THNSL1: variants seen among roughly 807,000 people sequenced by gnomAD.
THNSL1 encodes the protein threonine synthase like 1.
THNSL1 carries 48 observed loss-of-function variants against 50.4 expected under a neutral mutation model. The ratio of observed to expected loss-of-function variants is 0.95; its 90% CI spans 0.76 to 1.21. The LOEUF is 1.21. THNSL1 is among the 50% of genes most tolerant of loss of function. The pLI, the probability that THNSL1 is intolerant of heterozygous loss-of-function variation, is 0.00. For synonymous variants in THNSL1, 309 were observed against 306.1 expected (o/e 1.01, Z -0.10); for missense variants, 896 against 871.7 (o/e 1.03, Z -0.35).
At position 25,024,466 on chromosome 10, in the gene THNSL1, T is replaced by G; in HGVS notation, c.1243T>G (p.Phe415Val). Residue 415 changes from phenylalanine (F) to valine (V), a missense_variant, in exon 3 of 3, where the codon TTT (phenylalanine) becomes GTT (valine). Transcript: ENST00000376356. ...AFFPENGVSD[F>V]QKAQIIGSQR... is the part of the protein sequence containing the mutation. ...TTTTCCTGAGAATGGAGTAAGTGAT[T>G]TTCAAAAAGCACAAATAATTGGCAG... 6.2e-7 allele frequency: 1 copy of G among 1,614,152 alleles called. No individual in the cohort carries two copies. Among genetic ancestry groups the G allele is most frequent in the Non-Finnish European group, 8.5e-7 (1 of 1,180,020 alleles).
chr10:24,981,366 G>A, the THNSL1 span, among the ~76,000 whole-genome samples: 1 of 152,180 alleles, frequency 6.6e-6, no homozygotes, highest in African/African-American at 2.4e-5. Flanking sequence ...CCTGTGCTGA[G>A]TAACTTAGGA....
chr10:24,970,722 A>T, the THNSL1 span, among the ~76,000 whole-genome samples: 6 of 147,288 alleles, frequency 4.1e-5, no homozygotes, highest in South Asian at 2.2e-4. Flanking sequence ...CTATTAATAA[A>T]AAAAAAAAAA....
the THNSL1 span, among the ~76,000 whole-genome samples, chr10:24,957,018 C>T: frequency 8.5e-5 from 13 of 152,108 alleles, no homozygotes; most frequent in Non-Finnish European, 1.6e-4. Context: ...CCTCAAAATC[C>T]GTGGAAAAAT....
the THNSL1 span, chr10:24,983,265 C>A: frequency 4.6e-5 from 7 of 152,230 alleles, no homozygotes; most frequent in East Asian, 1.2e-3. Context: ...GCGATGCAAA[C>A]GGGAATGATA....
intron 1 of THNSL1, among the ~76,000 whole-genome samples, chr10:25,016,992 C>T (rs1156807800): frequency 1.3e-5 from 2 of 152,150 alleles, no homozygotes; most frequent in African/African-American, 4.8e-5. Flanking sequence ...GCACGGGGCC[C>T]GCGGCCTCCT....
At chr10:24,990,470 A>G in the THNSL1 span, 2 of 1,611,642 alleles carry the variant, frequency 1.2e-6, no homozygotes, top group South Asian at 2.2e-5. Context: ...CACCTGCAAA[A>G]CTGCCTCCCT....
the THNSL1 span, among the ~76,000 whole-genome samples, chr10:25,005,783 T>G: frequency 3.3e-5 from 5 of 152,342 alleles, no homozygotes; most frequent in Admixed American, 6.5e-5. Context: ...CTGCACTTAC[T>G]TGACAACACA....
Position 25,023,244 on chromosome 10 carries a change from T to C in THNSL1, c.21T>C (p.Cys7=), listed in dbSNP as rs1850760201. ...AGAGAATGCTCCACTTTAACCGATG[T>C]CATCATCTGAAAAAGATAACACAGA... The part of the protein sequence containing the change: MLHFNR[C]HHLKKITQKC... The change falls in exon 3 of 3, where the codon TGT becomes TGC. Residue 7 remains cysteine, a synonymous_variant. Coordinates refer to ENST00000376356, the MANE Select transcript of THNSL1 (RefSeq NM_024838.5). The C allele has an allele frequency of 6.2e-7, 1 of 1,612,518 alleles. No individual in the cohort carries two copies. The highest frequency in any genetic ancestry group is 8.5e-7 in the Non-Finnish European group (1 of 1,178,960).
the THNSL1 span, among the ~76,000 whole-genome samples, chr10:24,973,201 C>T: frequency 6.6e-6 from 1 of 152,000 alleles, no homozygotes; most frequent in Non-Finnish European, 1.5e-5. Context: ...TCCGACTTGC[C>T]AGCAGCACTA....
chr10:24,970,544 TA>T, the THNSL1 span, among the ~76,000 whole-genome samples: 57 of 143,720 alleles, frequency 4.0e-4, no homozygotes, highest in East Asian at 6.1e-4. Context: ...AACCTGTCTC[TA>T]AAAAAAAAAA....
In THNSL1 at chr10:25,025,457, AGCT is replaced by A; in HGVS notation, c.*3_*5del. 1 of 1,588,696 alleles carries A rather than the reference AGCT, an allele frequency of 6.3e-7. No homozygotes were observed. Among genetic ancestry groups the A allele is most frequent in the Non-Finnish European group, 8.5e-7 (1 of 1,170,666 alleles). ...CTTGTCCAAAATCAATTCATATGAA[AGCT>A]TTCAGAGTAAATTTTTTTTTCTAGC... is the stretch of plus-strand genomic sequence containing the variant. On this transcript the variant is annotated 3_prime_UTR_variant, in exon 3 of 3. Coordinates refer to ENST00000376356, the MANE Select transcript of THNSL1 (RefSeq NM_024838.5).
Position 25,023,669 on chromosome 10 carries a change from GA to G in THNSL1, c.448del (p.Ile150Ter). On this transcript the variant is annotated frameshift_variant, in exon 3 of 3. Transcript: ENST00000376356. LOFTEE classifies it high-confidence loss of function. ...AGCATGTGGCATCTGAAGAAAAATG[GA>G]ATAATTGTATACCTGGATGTACCTC... ...DASMWHLKKN[G>X]IIVYLDVPLL... The G allele has an allele frequency of 6.2e-7, 1 of 1,614,106 alleles. No homozygotes were observed. Among genetic ancestry groups the G allele is most frequent in the Non-Finnish European group, 8.5e-7 (1 of 1,180,016 alleles).
At chr10:25,006,064 A>G in the THNSL1 span, among the ~76,000 whole-genome samples, 1 of 152,230 alleles carries the variant, frequency 6.6e-6, no homozygotes, top group Non-Finnish European at 1.5e-5. Flanking sequence ...GTGATTAGAA[A>G]AATTTAAATT....
chr10:24,979,266 G>T, the THNSL1 span, among the ~76,000 whole-genome samples: 8 of 152,174 alleles, frequency 5.3e-5, no homozygotes, highest in Non-Finnish European at 1.0e-4. Flanking sequence ...AAGCATAGTG[G>T]GTCCAATGCT....
intron 1 of THNSL1, among the ~76,000 whole-genome samples, chr10:25,017,455 A>T (rs1426228063): frequency 6.6e-6 from 1 of 152,070 alleles, no homozygotes; most frequent in Non-Finnish European, 1.5e-5. Flanking sequence ...GAGAAAACAC[A>T]CTTGAGTCTG....
At chr10:24,995,862 GT>G in the THNSL1 span, 10 of 1,600,808 alleles carry the variant, frequency 6.2e-6, no homozygotes, top group South Asian at 2.3e-5. Context: ...TCCGATCAAA[GT>G]TTTTTTCTGT....
chr10:24,986,982 A>G, the THNSL1 span, among the ~76,000 whole-genome samples: 64 of 152,290 alleles, frequency 4.2e-4, no homozygotes, highest in Middle Eastern at 0.01. Context: ...AGAAGTTTTC[A>G]GTTTCATGCT....
the THNSL1 span, among the ~76,000 whole-genome samples, chr10:24,959,904 T>G: frequency 5.9e-5 from 9 of 152,212 alleles, no homozygotes; most frequent in Admixed American, 3.3e-4. Flanking sequence ...TAATAGGAAT[T>G]TAAATGAAAA....
At chr10:25,005,496 C>G in the THNSL1 span, among the ~76,000 whole-genome samples, 37 of 152,078 alleles carry the variant, frequency 2.4e-4, no homozygotes, top group Non-Finnish European at 4.1e-4. Context: ...AAATAGGCAT[C>G]AAGGATTAAC....
Sources: allele counts gnomAD v4.1 joint callset (sites outside exome capture counted in the v4.1 genomes callset), GRCh38; gene constraint gnomAD v4.1.1; transcripts MANE v1.5; gene names NCBI Gene and HGNC (gene_info 2026-07-23, HGNC 2026-07-21).